The following MST1 variants were observed in gnomAD, a reference collection of about 807,000 sequenced individuals.
MST1 encodes the protein hepatocyte growth factor-like protein.
Under a neutral mutation model 100.1 loss-of-function variants are expected in MST1, and 76 were observed. That is an observed-to-expected ratio of 0.76 (90% CI 0.63 to 0.92). The LOEUF (loss-of-function observed/expected upper bound fraction) is 0.92, where lower values mean the gene tolerates loss of function less well. MST1 is among the 40% of genes least tolerant of loss of function. MST1 has a pLI of 0.00. For synonymous variants in MST1, 352 were observed against 385.4 expected (o/e 0.91, Z 1.01); for missense variants, 850 against 990.0 (o/e 0.86, Z 1.90).
Position 49,685,750 on chromosome 3 carries a change from C to T in MST1, c.1251-18G>A. The T allele has an allele frequency of 6.2e-7, 1 of 1,613,102 alleles. No homozygotes were observed. The highest frequency in any genetic ancestry group is 8.5e-7 in the Non-Finnish European group (1 of 1,179,810). ...ACGTGAACCTAGGCGGAAGCGGGAG[C>T]AAAATCGTGGCAGGGTAGTCTCAAC... is the stretch of plus-strand genomic sequence containing the variant. On this transcript the variant is annotated intron_variant, in intron 10 of 17. Coordinates refer to ENST00000449682, the MANE Select transcript of MST1 (RefSeq NM_020998.4).
In MST1 at chr3:49,686,953, G is replaced by C. The variant is rs1210632530; in HGVS notation, c.722C>G (p.Pro241Arg). The part of the protein sequence containing the change: ...LQHPHQHPFE[P>R]GKFLDQGLDD... ...CGATACCGCCTACGCGTACTTGCCCGGCTCGAAGGGGTGCTGGTGCGGGTG... is the reference window on the plus strand; with the variant it reads ...CGATACCGCCTACGCGTACTTGCCCCGCTCGAAGGGGTGCTGGTGCGGGTG... The change falls in exon 6 of 18, where the codon CCG becomes CGG. Residue 241 changes from proline to arginine, a missense_variant. This residue lies in a region of MST1 where 816 missense variants were observed against 924.6 expected (regional missense o/e 0.88). Transcript: ENST00000449682. 2 of 1,611,246 alleles carry C rather than the reference G, an allele frequency of 1.2e-6. No homozygotes were observed. The highest frequency in any genetic ancestry group is 2.0e-4 in the Middle Eastern group (1 of 5,062).
rs1376627723 is a variant in MST1 at position 49,687,676 on chromosome 3, G to A, written c.243-8C>T. 3.7e-6 allele frequency: 6 copies of A among 1,613,406 alleles called. No homozygotes were observed. Among genetic ancestry groups the A allele is most frequent in the Non-Finnish European group, 5.1e-6 (6 of 1,179,852 alleles). ...ACGTTGTAGTGGAAGGCCCTGGAGAGAAGAAGGCACAGGGTAACGCCACAG... is the reference window on the plus strand; with the variant it reads ...ACGTTGTAGTGGAAGGCCCTGGAGAAAAGAAGGCACAGGGTAACGCCACAG... On this transcript the variant is annotated splice_region_variant and splice_polypyrimidine_tract_variant and intron_variant, in intron 2 of 17. Coordinates refer to ENST00000449682, the MANE Select transcript of MST1 (RefSeq NM_020998.4).
rs374093106 is a variant in MST1 at position 49,685,544 on chromosome 3, C to T, written c.1388-38G>A. On this transcript the variant is annotated intron_variant, in intron 11 of 17. Transcript: ENST00000449682. ...GTTCACTGGGGTTAAGGGAGCCAGCCTTTGGGTGGGGGCTGAGGCAGGGTC... is the reference window on the plus strand; with the variant it reads ...GTTCACTGGGGTTAAGGGAGCCAGCTTTTGGGTGGGGGCTGAGGCAGGGTC... 1.4e-4 allele frequency: 223 copies of T among 1,613,314 alleles called. 1 individual carries two copies. In the African/African-American group the frequency reaches 2.6e-3, roughly 19 times the overall value.
Position 49,683,969 on chromosome 3 carries a change from G to A in MST1, c.*59C>T. 6.3e-7 allele frequency: 1 copy of A among 1,580,778 alleles called. No individual in the cohort carries two copies. The highest frequency in any genetic ancestry group is 8.6e-7 in the Non-Finnish European group (1 of 1,163,942). On this transcript the variant is annotated 3_prime_UTR_variant, in exon 18 of 18. Transcript: ENST00000449682. Reference sequence around the variant, plus strand: ...CTGTACAGGCATAAAGAGGAAACATGGCTTTATGTCTGACAAGAAGTTTTG... The same window carrying A: ...CTGTACAGGCATAAAGAGGAAACATAGCTTTATGTCTGACAAGAAGTTTTG...
At chr3:49,687,117 C>T (rs537257288) in intron 5 of MST1, 32 bp downstream of exon 5, 4 of 1,612,926 alleles carry the variant, frequency 2.5e-6, no homozygotes, top group South Asian at 1.1e-5. Context: ...GCTTGTCCCT[C>T]CACTCTCCCA....
At position 49,687,609 on chromosome 3, in the gene MST1, G is replaced by T; in HGVS notation, c.302C>A (p.Ser101Ter). The change falls in exon 3 of 18, where the codon TCG becomes TAG. Residue 101 changes from serine (S) to a stop codon, truncating the protein, a stop_gained. Transcript: ENST00000449682. LOFTEE classifies it high-confidence loss of function. Reference protein sequence around the residue: ...GCQLLPWTQHSPHTRLRRSGR... With the variant: ...GCQLLPWTQH ...AGAACGCCGCAGCCTCGTGTGGGGC[G>T]AGTGTTGAGTCCATGGCAGCAGTTG... is the stretch of plus-strand genomic sequence containing the variant. 1.2e-6 allele frequency: 2 copies of T among 1,613,568 alleles called. No homozygotes were observed. The highest frequency in any genetic ancestry group is 2.2e-5 in the South Asian group (2 of 91,070).
At position 49,686,316 on chromosome 3, in the gene MST1, C is replaced by A. The variant is rs1266692627; in HGVS notation, c.1013G>T (p.Cys338Phe). ...CCGCCCCCCCCCCCCACCTCACTTG[C>A]ACGCGTATTTTTCTGGCGTAAATCG... ...QHRFTPEKYA[C>F]KDLRENFCRN... is the part of the protein sequence containing the mutation. The change falls in exon 8 of 18, where the codon TGC (cysteine) becomes TTC (phenylalanine). Residue 338 changes from cysteine (C) to phenylalanine (F), a missense_variant. Cys to Phe is a radical substitution (Grantham distance 205, BLOSUM62 -2). Coordinates refer to ENST00000449682, the MANE Select transcript of MST1 (RefSeq NM_020998.4). 5.3e-6 allele frequency: 8 copies of A among 1,512,752 alleles called. No homozygotes were observed. The highest frequency in any genetic ancestry group is 1.5e-5 in the African/African-American group (1 of 67,314). The allele number at this position is 1,512,752 out of a possible 1,614,324, so 93.7% of individuals were successfully genotyped here. A position where few individuals can be genotyped will look rare whatever the true frequency, so the allele number is the denominator to read the frequency against.
chr3:49,687,809 C>A lies in MST1; in HGVS notation c.183G>T (p.Gln61His), dbSNP rs778469944. The A allele has an allele frequency of 2.0e-5, 32 of 1,613,516 alleles. No homozygotes were observed. Among genetic ancestry groups the A allele is most frequent in the Admixed American group, 6.7e-5 (4 of 60,004 alleles). Residue 61 changes from glutamine to histidine, a missense_variant, in exon 2 of 18, where the codon CAG becomes CAT. Coordinates refer to ENST00000449682, the MANE Select transcript of MST1 (RefSeq NM_020998.4). The part of the protein sequence containing the change: ...LLHAVVPGPW[Q>H]EDVADAEECA... ...ACTCTTCAGCATCTGCCACATCCTC[C>A]TGCCAAGGCCCGGGCACCACCGCAT...
intron 1 of MST1, 151 bp from the exon 2 acceptor site, chr3:49,688,048 C>A (rs1447760877): frequency 1.6e-6 from 2 of 1,243,276 alleles, no homozygotes; most frequent in Non-Finnish European, 2.2e-6. Flanking sequence ...AGTCTAGCCC[C>A]CTGCACAGAT....
In MST1 at chr3:49,688,925, T is replaced by A; in HGVS notation, c.-234A>T. On this transcript the variant is annotated 5_prime_UTR_variant, in exon 1 of 18. It removes the in-frame stop codon of an upstream open reading frame in the 5' UTR. Transcript: ENST00000449682. ...GTTGGGGTGAAACCCCTCTGCAGCCTAGTCAGCCCAAGGGCATTGTGAAAG... is the reference window on the plus strand; with the variant it reads ...GTTGGGGTGAAACCCCTCTGCAGCCAAGTCAGCCCAAGGGCATTGTGAAAG... The A allele has an allele frequency of 2.4e-6, 1 of 415,470 alleles. No homozygotes were observed. The highest frequency in any genetic ancestry group is 4.4e-6 in the Non-Finnish European group (1 of 225,808). The allele number at this position is 415,470 out of a possible 1,614,324, so 25.7% of individuals were successfully genotyped here.
At chr3:49,686,603 G>C (rs1215234569) in intron 7 of MST1, 81 bp downstream of exon 7, 2 of 1,551,050 alleles carry the variant, frequency 1.3e-6, no homozygotes, top group East Asian at 4.9e-5. Context: ...GTCACGCCCA[G>C]CCCCTCTTAC....
At position 49,687,893 on chromosome 3, in the gene MST1, C is replaced by G. The variant is rs1482219910; in HGVS notation, c.99G>C (p.Gln33His). 1 of 1,613,068 alleles carries G rather than the reference C, an allele frequency of 6.2e-7. No individual in the cohort carries two copies. Among genetic ancestry groups the G allele is most frequent in the Admixed American group, 1.7e-5 (1 of 59,980 alleles). Residue 33 changes from glutamine to histidine, a missense_variant, in exon 2 of 18, where the codon CAG becomes CAC. This residue lies in a region of MST1 where 34 missense variants were observed against 65.5 expected (regional missense o/e 0.52). Transcript: ENST00000449682. ...LLTQCLGVPGQRSPLNDFQVL... is the reference protein window; with the variant it reads ...LLTQCLGVPGHRSPLNDFQVL... ...CTTGGAAGTCATTCAATGGCGAGCG[C>G]TGCCCTGCAGAGTAGGCATGAGTGG...
At position 49,685,951 on chromosome 3, in the gene MST1, C is replaced by A. The variant is rs1264949446; in HGVS notation, c.1159G>T (p.Gly387Cys). The A allele has an allele frequency of 1.9e-6, 3 of 1,609,968 alleles. No homozygotes were observed. Among genetic ancestry groups the A allele is most frequent in the Non-Finnish European group, 2.5e-6 (3 of 1,179,286 alleles). The change falls in exon 10 of 18, where the codon GGC becomes TGC. Residue 387 changes from glycine to cysteine, a missense_variant. Around this residue, in one of 2 missense-constraint regions of MST1, gnomAD observed 816 missense variants for 924.6 expected, o/e 0.88. Transcript: ENST00000449682. ...DDVRPQDCYH[G>C]AGEQYRGTVS... ...GTGCCGCGGTACTGCTCCCCTGCGC[C>A]GTGGTAGCAGTCTGTGGCGGGTGCG...
intron 14 of MST1, 54 bp from the exon 15 acceptor site, chr3:49,684,938 G>A: frequency 6.2e-7 from 1 of 1,613,580 alleles, no homozygotes; most frequent in Non-Finnish European, 8.5e-7. Flanking sequence ...TTGCCCCAAG[G>A]CTCACTTGTT....
At chr3:49,685,184 T>G in intron 13 of MST1, 78 bp downstream of exon 13, 1 of 1,601,678 alleles carries the variant, frequency 6.2e-7, no homozygotes, top group Non-Finnish European at 8.5e-7. Flanking sequence ...CAGGGATAGA[T>G]TCCCAGCCCC....
At chr3:49,688,457 C>T in intron 1 of MST1, 141 bp downstream of exon 1, 1 of 694,560 alleles carries the variant, frequency 1.4e-6, no homozygotes, top group Non-Finnish European at 2.4e-6. Context: ...CTAGGGCTTC[C>T]CAGCTGTGCT....
rs2053657658 is a variant in MST1 at position 49,685,656 on chromosome 3, G to A, written c.1327C>T (p.Pro443Ser). Residue 443 changes from proline (P) to serine (S), a missense_variant, in exon 11 of 18, where the codon CCC becomes TCC. Physicochemically the swap from Pro to Ser is moderately conservative, Grantham distance 74 (BLOSUM62 -1). Coordinates refer to ENST00000449682, the MANE Select transcript of MST1 (RefSeq NM_020998.4). ...CRNPDGDSHG[P>S]WCYTMDPRTP... ...CTTGGGTCCATCGTGTAGCACCAGG[G>A]CCCATGGCTATCCCCATCTGGGTTC... 3 of 1,613,408 alleles carry A rather than the reference G, an allele frequency of 1.9e-6. No individual in the cohort carries two copies. The highest frequency in any genetic ancestry group is 2.7e-5 in the African/African-American group (2 of 75,034).
At position 49,685,275 on chromosome 3, in the gene MST1, T is replaced by C. The variant is rs747070915; in HGVS notation, c.1531A>G (p.Ser511Gly). 1.2e-6 allele frequency: 2 copies of C among 1,613,374 alleles called. No homozygotes were observed. The highest frequency in any genetic ancestry group is 1.7e-5 in the Admixed American group (1 of 60,016). Residue 511 changes from serine (S) to glycine (G), a missense_variant, in exon 13 of 18, where the codon AGC (serine) becomes GGC (glycine). This residue lies in a region of MST1 where 816 missense variants were observed against 924.6 expected (regional missense o/e 0.88). Coordinates refer to ENST00000449682, the MANE Select transcript of MST1 (RefSeq NM_020998.4). ...GTTGTGCCTCACCGATTCCGCAAGC[T>C]GACTGTCCAGGGTGAGTTGCCCGGA... ...GHPGNSPWTV[S>G]LRNRQGQHFC...
In MST1 at chr3:49,686,665, C is replaced by T. The variant is rs1167113521; in HGVS notation, c.847+19G>A. The stretch of plus-strand genomic sequence containing the variant: ...CAAGGTTCCCAGGTACCCTCCCAGG[C>T]CTGGTCCCCGCCGCCTACCGCAGCG... On this transcript the variant is annotated intron_variant, in intron 7 of 17. Coordinates refer to ENST00000449682, the MANE Select transcript of MST1 (RefSeq NM_020998.4). 6.4e-7 allele frequency: 1 copy of T among 1,550,438 alleles called. No individual in the cohort carries two copies. Among genetic ancestry groups the T allele is most frequent in the South Asian group, 1.2e-5 (1 of 84,614 alleles).
Sources: gnomAD v4.1 joint callset for allele counts on GRCh38, gnomAD v4.1.1 for gene constraint, gnomAD v4.1.1 regional missense constraint, MANE v1.5 for transcripts, NCBI Gene and HGNC (gene_info 2026-07-23, HGNC 2026-07-21) for gene names.